CALD1: variants seen among roughly 807,000 people sequenced by gnomAD.
CALD1 encodes caldesmon.
In CALD1, 33 loss-of-function variants were observed where a neutral mutation model predicts 99.9. The observed-to-expected ratio is 0.33, with a 90% CI of 0.25 to 0.44. The LOEUF is 0.44. CALD1 is among the 20% of genes least tolerant of loss of function. CALD1 has a pLI of 1.00. For missense variants in CALD1, 861 were observed against 962.1 expected (o/e 0.89, Z 1.39); for synonymous variants, 310 against 325.0 (o/e 0.95, Z 0.50).
At chr7:134,878,380 C>T (rs1337333364) in intron 3 of CALD1, among the ~76,000 whole-genome samples, 1 of 151,608 alleles carries the variant, frequency 6.6e-6, no homozygotes, top group African/African-American at 2.4e-5. Flanking sequence ...ACTAGCTTGG[C>T]CAACATGGTG....
intron 1 of CALD1, among the ~76,000 whole-genome samples, chr7:134,839,534 A>G (rs1198379809): frequency 6.6e-6 from 1 of 152,240 alleles, no homozygotes; most frequent in Non-Finnish European, 1.5e-5. Flanking sequence ...ATAGCAGTGC[A>G]TGAGCATTTC....
intron 3 of CALD1, among the ~76,000 whole-genome samples, chr7:134,887,210 C>T (rs747586887): frequency 2.6e-5 from 4 of 152,104 alleles, no homozygotes; most frequent in African/African-American, 9.7e-5. Context: ...GATCACAGGA[C>T]ATGACAGAGC....
the CALD1 span, among the ~76,000 whole-genome samples, chr7:134,738,188 T>C: frequency 6.6e-6 from 1 of 152,178 alleles, no homozygotes; most frequent in Non-Finnish European, 1.5e-5. Context: ...TTCCACAGAA[T>C]CTGAAGCTCT....
At chr7:134,895,305 T>A (rs905229904) in intron 3 of CALD1, among the ~76,000 whole-genome samples, 2 of 97,126 alleles carry the variant, frequency 2.1e-5, no homozygotes, top group African/African-American at 6.1e-5. Context: ...TGTATGTGTG[T>A]GTGTGTGTGT....
chr7:134,760,766 G>A (rs993242845), intron 1 of CALD1, among the ~76,000 whole-genome samples: 1 of 152,188 alleles, frequency 6.6e-6, no homozygotes, highest in Non-Finnish European at 1.5e-5. Flanking sequence ...GTGGGGAGAA[G>A]ATAAGAGGAT....
the CALD1 span, among the ~76,000 whole-genome samples, chr7:134,718,986 TC>T: frequency 1.3e-5 from 2 of 152,196 alleles, no homozygotes; most frequent in Non-Finnish European, 2.9e-5. Flanking sequence ...CATGCTAGCC[TC>T]ATGACTACTG....
the CALD1 span, among the ~76,000 whole-genome samples, chr7:134,733,881 T>C: frequency 4.6e-5 from 7 of 151,436 alleles, no homozygotes; most frequent in Admixed American, 3.3e-4. Flanking sequence ...AATGTCATAA[T>C]TGTTATATAG....
chr7:134,828,784 T>C (rs1799106830), intron 1 of CALD1, among the ~76,000 whole-genome samples: 1 of 152,174 alleles, frequency 6.6e-6, no homozygotes, highest in Non-Finnish European at 1.5e-5. Context: ...GCAGAGAAAA[T>C]AGCTTTTAGG....
intron 1 of CALD1, among the ~76,000 whole-genome samples, chr7:134,815,449 G>T (rs1302760783): frequency 6.6e-6 from 1 of 152,078 alleles, no homozygotes; most frequent in East Asian, 1.9e-4. Flanking sequence ...ATTGTTCTTG[G>T]ATAAGGAAAA....
chr7:134,925,782 A>T (rs1804966768), intron 3 of CALD1, among the ~76,000 whole-genome samples: 1 of 152,132 alleles, frequency 6.6e-6, no homozygotes, highest in South Asian at 2.1e-4. Flanking sequence ...ACAAAGCCTA[A>T]CCCTATCAAT....
chr7:134,886,127 C>T (rs1181802348), intron 3 of CALD1, among the ~76,000 whole-genome samples: 1 of 152,152 alleles, frequency 6.6e-6, no homozygotes, highest in East Asian at 1.9e-4. Flanking sequence ...TAAACAGAAA[C>T]AGGGAGTCTC....
At chr7:134,872,378 A>AC (rs1801138056) in intron 3 of CALD1, among the ~76,000 whole-genome samples, 1 of 135,826 alleles carries the variant, frequency 7.4e-6, no homozygotes, top group South Asian at 2.4e-4. Flanking sequence ...AAAAAAAAAA[A>AC]AAAACTTCCT....
rs201179218 is a variant in CALD1 at position 134,933,931 on chromosome 7, C to T, written c.1162C>T (p.Arg388Cys). 171 of 1,613,602 alleles carry T rather than the reference C, an allele frequency of 1.1e-4. No homozygotes were observed. In the East Asian group the frequency reaches 2.2e-3, roughly 21 times the overall value. The change falls in exon 5 of 15, where the codon CGT (arginine) becomes TGT (cysteine). Residue 388 changes from arginine (R) to cysteine (C), a missense_variant. Arg to Cys is a radical substitution (Grantham distance 180, BLOSUM62 -3). Transcript: ENST00000361675. The part of the protein sequence containing the change: ...EEKAKVEEQK[R>C]NKQLEEKKHA... ...GAAGGCTAAGGTAGAAGAGCAGAAA[C>T]GTAACAAGCAGCTAGAAGAGAAAAA...
chr7:134,724,944 GCTGGCTTCTGCATCCTTCT>G, the CALD1 span, among the ~76,000 whole-genome samples: 1 of 152,214 alleles, frequency 6.6e-6, no homozygotes, highest in Admixed American at 6.5e-5. Flanking sequence ...TAACCAGGAG[GCTGGCTTCTGCATCCTTCT>G]CTTCCTCTGC....
intron 3 of CALD1, among the ~76,000 whole-genome samples, chr7:134,885,077 C>T (rs1005330323): frequency 3.9e-5 from 6 of 151,986 alleles, no homozygotes; most frequent in Admixed American, 6.6e-5. Flanking sequence ...GGGTTACAGG[C>T]GCACACCACC....
At chr7:134,878,341 GGCAA>G (rs1801444234) in intron 3 of CALD1, among the ~76,000 whole-genome samples, 1 of 152,122 alleles carries the variant, frequency 6.6e-6, no homozygotes, top group African/African-American at 2.4e-5. Context: ...GGCTGAGGCG[GGCAA>G]ATCACTTGAA....
chr7:134,825,068 T>C (rs573973309), intron 1 of CALD1, among the ~76,000 whole-genome samples: 1 of 152,308 alleles, frequency 6.6e-6, no homozygotes, highest in East Asian at 1.9e-4. Context: ...GGTACCAGCA[T>C]TGAAAGTAAT....
intron 8 of CALD1, among the ~76,000 whole-genome samples, chr7:134,948,463 C>T (rs951556480): frequency 1.7e-4 from 26 of 152,286 alleles, no homozygotes; most frequent in Admixed American, 4.6e-4. Context: ...CCAACTACAA[C>T]TTACAGTACT....
intron 6 of CALD1, among the ~76,000 whole-genome samples, chr7:134,939,916 A>G (rs1170059988): frequency 6.6e-6 from 1 of 152,130 alleles, no homozygotes; most frequent in Non-Finnish European, 1.5e-5. Flanking sequence ...GTGAGCTGAG[A>G]TCGCACCACT....
Sources: gnomAD v4.1 joint callset for allele counts (sites outside exome capture counted in the v4.1 genomes callset) on GRCh38, gnomAD v4.1.1 for gene constraint, MANE v1.5 for transcripts, NCBI Gene and HGNC (gene_info 2026-07-23, HGNC 2026-07-21) for gene names.